The following CADPS2 variants were observed in gnomAD, a reference collection of about 807,000 sequenced individuals.
The protein encoded by CADPS2 is calcium dependent secretion activator 2, also known as calcium-dependent secretion activator 2.
CADPS2 carries 93 observed loss-of-function variants against 172.5 expected under a neutral mutation model. The ratio of observed to expected loss-of-function variants is 0.54; its 90% CI spans 0.46 to 0.64. The LOEUF (loss-of-function observed/expected upper bound fraction) is 0.64. Ranked by LOEUF, CADPS2 falls within the 30% of genes least tolerant of loss-of-function variation. The pLI is 0.00. For synonymous variants in CADPS2, 546 were observed against 555.2 expected, an observed-to-expected ratio of 0.98 and a Z score of 0.23; for missense variants, 1,420 against 1,565.9, an observed-to-expected ratio of 0.91 and a Z score of 1.57.
rs561285216 is a variant in CADPS2 at position 122,426,497 on chromosome 7, C to T, written c.2477-10333G>A. 1.1e-4 allele frequency among the ~76,000 whole-genome samples: 16 copies of T among 152,244 alleles called. No homozygotes were observed. The South Asian group carries it at 3.3e-3, about 32-fold the overall frequency. ...TTCAATTAGGCCTTTTAATTTATTG[C>T]TTGAAACTATATGGTCACTTAGCTA... On this transcript the variant is annotated intron_variant, in intron 17 of 29. Coordinates refer to ENST00000449022, the MANE Select transcript of CADPS2 (RefSeq NM_017954.11).
chr7:122,671,307 G>A (rs2081823775), intron 2 of CADPS2, among the ~76,000 whole-genome samples: 1 of 152,174 alleles, frequency 6.6e-6, no homozygotes, highest in Non-Finnish European at 1.5e-5. Context: ...CTGGATGAGT[G>A]AATGAGTGGT....
rs757517891 is a variant in CADPS2, at chr7:122,490,098, T to C, written c.1835A>G (p.His612Arg). ...AAACTTACAAAGCTGAGCATCTGCA[T>C]GGAGAGTTCCTCCTTTAGGATTCAG... ...QKLNPKGGTL[H>R]ADAQLSGKDA... The change falls in exon 11 of 30, where the codon CAT becomes CGT. Residue 612 changes from histidine to arginine, a missense_variant. Physicochemically the swap from His to Arg is conservative, Grantham distance 29. Coordinates refer to ENST00000449022, the MANE Select transcript of CADPS2 (RefSeq NM_017954.11). 1.2e-6 allele frequency: 2 copies of C among 1,613,394 alleles called. No homozygotes were observed. Among genetic ancestry groups the C allele is most frequent in the South Asian group, 2.2e-5 (2 of 91,078 alleles).
intron 2 of CADPS2, chr7:122,702,299 A>G: frequency 6.2e-7 from 1 of 1,613,694 alleles, no homozygotes; most frequent in Non-Finnish European, 8.5e-7. Context: ...CATCACCGCG[A>G]CTATATTTTC....
intron 7 of CADPS2, among the ~76,000 whole-genome samples, chr7:122,559,607 T>C (rs549729252): frequency 6.6e-6 from 1 of 151,584 alleles, no homozygotes; most frequent in Non-Finnish European, 1.5e-5. Context: ...TCGTCTCTAC[T>C]AAAAATACAA....
intron 1 of CADPS2, among the ~76,000 whole-genome samples, chr7:122,871,607 G>A (rs1236598871): frequency 1.3e-5 from 2 of 152,026 alleles, no homozygotes; most frequent in Admixed American, 6.6e-5. Context: ...ATACGGTTTA[G>A]GAATGTCAAT....
chr7:122,702,214 C>T (rs1218340239), intron 2 of CADPS2: 5 of 1,613,682 alleles, frequency 3.1e-6, no homozygotes, highest in Admixed American at 3.3e-5. Flanking sequence ...GCATTCTCCC[C>T]ACTTCAATGA....
intron 7 of CADPS2, among the ~76,000 whole-genome samples, chr7:122,575,771 G>A (rs1033038882): frequency 7.2e-5 from 11 of 152,024 alleles, no homozygotes; most frequent in African/African-American, 2.7e-4. Context: ...ATATGCTGAG[G>A]CATTTCATAA....
At chr7:122,320,500 TG>T (rs940391972) in intron 29 of CADPS2, among the ~76,000 whole-genome samples, 162 bp from the exon 30 acceptor site, 3 of 152,160 alleles carry the variant, frequency 2.0e-5, no homozygotes, top group Non-Finnish European at 4.4e-5. Flanking sequence ...GGGGAGTAAA[TG>T]GAATGACAGA....
intron 8 of CADPS2, among the ~76,000 whole-genome samples, chr7:122,530,851 G>T (rs563742377): frequency 3.3e-5 from 5 of 152,260 alleles, no homozygotes; most frequent in African/African-American, 9.6e-5. Context: ...AGATGGTCTT[G>T]ATCTCAGAAC....
chr7:122,454,819 C>T (rs1268330121), intron 14 of CADPS2, among the ~76,000 whole-genome samples: 1 of 152,098 alleles, frequency 6.6e-6, no homozygotes, highest in Non-Finnish European at 1.5e-5. Context: ...GCCAGCTCTA[C>T]CTTCAAAACA....
At chr7:122,546,019 G>A (rs2063581564) in intron 8 of CADPS2, among the ~76,000 whole-genome samples, 1 of 152,060 alleles carries the variant, frequency 6.6e-6, no homozygotes, top group African/African-American at 2.4e-5. Context: ...AGAATAAGAT[G>A]TGCTTTTCTC....
chr7:122,489,926 T>C (rs1191645921), intron 11 of CADPS2, 155 bp downstream of exon 11: 1 of 211,038 alleles, frequency 4.7e-6, no homozygotes, highest in African/African-American at 2.4e-5. Context: ...TGTGAAAAAT[T>C]AGATAAGTGA....
intron 6 of CADPS2, among the ~76,000 whole-genome samples, chr7:122,595,656 G>A (rs1201255050): frequency 2.0e-5 from 3 of 152,030 alleles, no homozygotes; most frequent in Non-Finnish European, 2.9e-5. Context: ...ATTTCCCCTA[G>A]GAATGCTCCT....
chr7:122,493,268 C>T (rs970333228), intron 9 of CADPS2, among the ~76,000 whole-genome samples: 5 of 152,130 alleles, frequency 3.3e-5, no homozygotes, highest in African/African-American at 1.2e-4. Context: ...CACATCCACT[C>T]TCTGTACCTG....
chr7:122,473,112 C>G (rs1586394441), intron 13 of CADPS2, among the ~76,000 whole-genome samples: 1 of 152,230 alleles, frequency 6.6e-6, no homozygotes, highest in African/African-American at 2.4e-5. Flanking sequence ...AAAGGTTTCT[C>G]TATACATTGT....
At chr7:122,391,151 C>G (rs1267762940) in intron 22 of CADPS2, among the ~76,000 whole-genome samples, 1 of 151,964 alleles carries the variant, frequency 6.6e-6, no homozygotes, top group Non-Finnish European at 1.5e-5. Flanking sequence ...GCAATAACAT[C>G]ATAACATTAT....
chr7:122,798,764 AAG>A (rs1796942442), intron 1 of CADPS2, among the ~76,000 whole-genome samples: 1 of 152,088 alleles, frequency 6.6e-6, no homozygotes, highest in Admixed American at 6.5e-5. Flanking sequence ...AGGAAAATAA[AAG>A]AGTTACACTA....
At chr7:122,568,124 C>T (rs1254152402) in intron 7 of CADPS2, among the ~76,000 whole-genome samples, 1 of 151,978 alleles carries the variant, frequency 6.6e-6, no homozygotes, top group East Asian at 1.9e-4. Context: ...GGGGGCTGGG[C>T]ACAGTGGCTC....
chr7:122,878,261 G>GC (rs749470000), intron 1 of CADPS2, among the ~76,000 whole-genome samples: 1 of 113,284 alleles, frequency 8.8e-6, no homozygotes, highest in Non-Finnish European at 1.7e-5. Flanking sequence ...TCCGTCTCAA[G>GC]AAAAAAAAAA....
Sources: allele counts gnomAD v4.1 joint callset (sites outside exome capture counted in the v4.1 genomes callset), GRCh38; gene constraint gnomAD v4.1.1; transcripts MANE v1.5; gene names NCBI Gene and HGNC (gene_info 2026-07-23, HGNC 2026-07-21).